ASB18: variants seen among roughly 807,000 people sequenced by gnomAD.
ASB18 encodes ankyrin repeat and SOCS box containing 18.
ASB18 carries 33 observed loss-of-function variants against 33.4 expected under a neutral mutation model. That is an observed-to-expected ratio of 0.99 (90% CI 0.75 to 1.32). The LOEUF (loss-of-function observed/expected upper bound fraction) is 1.32, where lower values mean the gene tolerates loss of function less well. Among genes scored for constraint, ASB18 ranks in the 40% most tolerant of loss-of-function variants. ASB18 has a pLI of 0.00. For synonymous variants in ASB18, 295 were observed against 307.6 expected (o/e 0.96, Z 0.43); for missense variants, 694 against 655.5 (o/e 1.06, Z -0.64).
At chr2:236,242,371 G>A (rs1559336544) in intron 1 of ASB18, among the ~76,000 whole-genome samples, 1 of 152,202 alleles carries the variant, frequency 6.6e-6, no homozygotes, top group Non-Finnish European at 1.5e-5. Flanking sequence ...CAGGTAGCAG[G>A]ACCTACTCTC....
At chr2:236,261,182 G>C (rs1273591753) in intron 1 of ASB18, among the ~76,000 whole-genome samples, 1 of 152,132 alleles carries the variant, frequency 6.6e-6, no homozygotes, top group African/African-American at 2.4e-5. Context: ...TTGAAAATGA[G>C]GAAATTAAGG....
intron 4 of ASB18, among the ~76,000 whole-genome samples, chr2:236,202,814 T>TATATAC (rs1472095135): frequency 7.9e-6 from 1 of 126,574 alleles, no homozygotes; most frequent in African/African-American, 3.2e-5. Context: ...TATATATATA[T>TATATAC]ACACACACCT....
chr2:236,237,805 G>A lies in ASB18; in HGVS notation c.480C>T (p.Cys160=). The A allele has an allele frequency of 4.9e-6, 7 of 1,422,118 alleles. No individual in the cohort carries two copies. The highest frequency in any genetic ancestry group is 2.9e-5 in the South Asian group (2 of 69,280). The allele number at this position is 1,422,118 out of a possible 1,614,324, so 88.1% of individuals were successfully genotyped here. The part of the protein sequence containing the change: ...PGGRGALHEA[C]LGGHTACVRL... Reference sequence around the variant, plus strand: ...GGACGCAGGCGGTGTGGCCCCCGAGGCAGGCCTCGTGCAGGGCGCCGCGGC... The same window carrying A: ...GGACGCAGGCGGTGTGGCCCCCGAGACAGGCCTCGTGCAGGGCGCCGCGGC... Residue 160 remains cysteine, a synonymous_variant, in exon 3 of 6, where the codon TGC becomes TGT. Transcript: ENST00000409749. This position sits in a 1 kb window ranked among gnomAD's most constrained non-coding sequence, Gnocchi z 6.2.
rs759640222 is a variant in ASB18 at position 236,262,700 on chromosome 2, C to A, written c.205+1441G>T. Among the ~76,000 whole-genome samples, 1 of 152,130 alleles carries A rather than the reference C, an allele frequency of 6.6e-6. No homozygotes were observed. The highest frequency in any genetic ancestry group is 1.9e-4 in the East Asian group (1 of 5,168). Reference sequence around the variant, plus strand: ...TTGTGATGACAACCTCCCCTAAACCCCCCCCAGGGCAATCTTCTAGAGAGA... The same window carrying A: ...TTGTGATGACAACCTCCCCTAAACCACCCCCAGGGCAATCTTCTAGAGAGA... On this transcript the variant is annotated intron_variant, in intron 1 of 5. Transcript: ENST00000409749. The surrounding 1 kb of genome is among the most constrained non-coding windows in gnomAD (Gnocchi z 5.2).
At position 236,211,864 on chromosome 2, in the gene ASB18, G is replaced by A. The variant is rs1458926410; in HGVS notation, c.1101+2498C>T. 1.3e-5 allele frequency among the ~76,000 whole-genome samples: 2 copies of A among 152,168 alleles called. No homozygotes were observed. The highest frequency in any genetic ancestry group is 2.4e-5 in the African/African-American group (1 of 41,442). ...CTCATCCACCATCCTCTCCTGGCCA[G>A]GTGTAGGGGTACCCACTGGAGGTGT... On this transcript the variant is annotated intron_variant, in intron 4 of 5. Transcript: ENST00000409749. This position sits in a 1 kb window ranked among gnomAD's most constrained non-coding sequence, Gnocchi z 5.0.
intron 2 of ASB18, among the ~76,000 whole-genome samples, chr2:236,240,665 T>C (rs1031709729): frequency 4.6e-5 from 7 of 152,172 alleles, no homozygotes; most frequent in African/African-American, 1.7e-4. Context: ...CTCTTTCCAC[T>C]TGGGAGGTCT....
rs986815021 is a variant in ASB18, at chr2:236,214,649, A to G, written c.814T>C (p.Cys272Arg). 2.6e-6 allele frequency: 3 copies of G among 1,160,856 alleles called. No individual in the cohort carries two copies. The highest frequency in any genetic ancestry group is 3.3e-5 in the African/African-American group (2 of 60,896). 71.9% of individuals were successfully genotyped at this position (1,160,856 alleles called of 1,614,324 possible). A position where few individuals can be genotyped will look rare whatever the true frequency, so the allele number is the denominator to read the frequency against. Residue 272 changes from cysteine (C) to arginine (R), a missense_variant, in exon 4 of 6, where the codon TGC becomes CGC. Coordinates refer to ENST00000409749, the MANE Select transcript of ASB18 (RefSeq NM_212556.4). This position sits in a 1 kb window ranked among gnomAD's most constrained non-coding sequence, Gnocchi z 6.5. ...AGCAGCAGCGCGCACAGGCGCAGGC[A>G]GCGCCCGTGCTCGTCGGGCCTCCGC... The part of the protein sequence containing the change: ...AARRPDEHGR[C>R]LRLCALLLRR...
Position 236,205,114 on chromosome 2 carries a change from G to A in ASB18, c.1102-8729C>T, listed in dbSNP as rs2106264989. Among the ~76,000 whole-genome samples the A allele has an allele frequency of 6.6e-6, 1 of 152,354 alleles. No individual in the cohort carries two copies. The highest frequency in any genetic ancestry group is 3.4e-3 in the Middle Eastern group (1 of 294). The stretch of plus-strand genomic sequence containing the variant: ...CAAGCATCTGCTTAACATGGCAGAT[G>A]TTAAGAGGAGGATCTTTACAAAATA... On this transcript the variant is annotated intron_variant, in intron 4 of 5. Transcript: ENST00000409749. The surrounding 1 kb of genome is among the most constrained non-coding windows in gnomAD (Gnocchi z 5.4).
Position 236,216,099 on chromosome 2 carries a change from C to T in ASB18, c.597-1233G>A, listed in dbSNP as rs1019025690. On this transcript the variant is annotated intron_variant, in intron 3 of 5. Transcript: ENST00000409749. The surrounding 1 kb of genome is among the most constrained non-coding windows in gnomAD (Gnocchi z 6.1). ...CTACTCAAATGGCCGAATCTTCAAGCCGGAGTCCATTCTTCACCCCCCTCC... is the reference window on the plus strand; with the variant it reads ...CTACTCAAATGGCCGAATCTTCAAGTCGGAGTCCATTCTTCACCCCCCTCC... Among the ~76,000 whole-genome samples, 2 of 152,224 alleles carry T rather than the reference C, an allele frequency of 1.3e-5. No individual in the cohort carries two copies. The highest frequency in any genetic ancestry group is 2.9e-5 in the Non-Finnish European group (2 of 68,038).
At position 236,201,462 on chromosome 2, in the gene ASB18, T is replaced by A. The variant is rs116113007; in HGVS notation, c.1102-5077A>T. ...AGCCACTACACCCGGCTCATCTTTC[T>A]TAAATAGTCTGCAGTTAAATAACTG... On this transcript the variant is annotated intron_variant, in intron 4 of 5. Transcript: ENST00000409749. Among the ~76,000 whole-genome samples the A allele has an allele frequency of 2.2e-3, 329 of 152,286 alleles. 2 individuals carry two copies. Among genetic ancestry groups the A allele is most frequent in the African/African-American group, 7.3e-3 (303 of 41,564 alleles).
rs2060423043 is a variant in ASB18, at chr2:236,204,422, G to T, written c.1102-8037C>A. Among the ~76,000 whole-genome samples, 1 of 152,190 alleles carries T rather than the reference G, an allele frequency of 6.6e-6. No homozygotes were observed. Among genetic ancestry groups the T allele is most frequent in the Non-Finnish European group, 1.5e-5 (1 of 68,026 alleles). On this transcript the variant is annotated intron_variant, in intron 4 of 5. Transcript: ENST00000409749. This position sits in a 1 kb window ranked among gnomAD's most constrained non-coding sequence, Gnocchi z 5.1. ...GCTGCTGTCTCATCTCCGTCCTTCA[G>T]ATGTTCGACCATCCCTGCATTCAGG...
Position 236,200,299 on chromosome 2 carries a change from A to G in ASB18, c.1102-3914T>C, listed in dbSNP as rs1311286762. Among the ~76,000 whole-genome samples the G allele has an allele frequency of 6.6e-6, 1 of 152,182 alleles. No individual in the cohort carries two copies. Among genetic ancestry groups the G allele is most frequent in the Admixed American group, 6.5e-5 (1 of 15,276 alleles). On this transcript the variant is annotated intron_variant, in intron 4 of 5. Transcript: ENST00000409749. This position sits in a 1 kb window ranked among gnomAD's most constrained non-coding sequence, Gnocchi z 4.2. ...AGGAGGTGGAGGTTGCAGTGAGCTG[A>G]GATCATGCCACTGCACTCCAGCCTG...
rs1397704766 is a variant in ASB18, at chr2:236,214,516, C to T, written c.947G>A (p.Gly316Asp). Residue 316 changes from glycine to aspartate, a missense_variant, in exon 4 of 6, where the codon GGC (glycine) becomes GAC (aspartate). Transcript: ENST00000409749. The surrounding 1 kb of genome is among the most constrained non-coding windows in gnomAD (Gnocchi z 6.5). ...ATAGTCGAGCGCGCCCGCGTCGGCG[C>T]CGTGCCGCAGTAGGAGGCGCGCCAG... ...HSLARLLLRH[G>D]ADAGALDYGG... 1 of 1,464,812 alleles carries T rather than the reference C, an allele frequency of 6.8e-7. No individual in the cohort carries two copies. The highest frequency in any genetic ancestry group is 8.9e-7 in the Non-Finnish European group (1 of 1,119,812). The allele number at this position is 1,464,812 out of a possible 1,614,324, so 90.7% of individuals were successfully genotyped here. A position where few individuals can be genotyped will look rare whatever the true frequency, so the allele number is the denominator to read the frequency against.
rs1278043855 is a variant in ASB18, at chr2:236,217,202, G to T, written c.597-2336C>A. 6.6e-6 allele frequency among the ~76,000 whole-genome samples: 1 copy of T among 152,172 alleles called. No individual in the cohort carries two copies. The highest frequency in any genetic ancestry group is 1.5e-5 in the Non-Finnish European group (1 of 68,020). On this transcript the variant is annotated intron_variant, in intron 3 of 5. Transcript: ENST00000409749. This position sits in a 1 kb window ranked among gnomAD's most constrained non-coding sequence, Gnocchi z 5.2. ...GTGAGTGGATCACCTGAGGTCAGGA[G>T]TTTGAGAACAGCCTGGCCAACATGG...
rs1358309870 is a variant in ASB18, at chr2:236,195,660, C to T, written c.1216-603G>A. ...CCTCCTGAGTAACTGGCATTACAGG[C>T]GCTTGCCACCATGCTTGGGTAATTT... On this transcript the variant is annotated intron_variant, in intron 5 of 5. Coordinates refer to ENST00000409749, the MANE Select transcript of ASB18 (RefSeq NM_212556.4). This position sits in a 1 kb window ranked among gnomAD's most constrained non-coding sequence, Gnocchi z 5.5. Among the ~76,000 whole-genome samples the T allele has an allele frequency of 2.6e-5, 4 of 152,116 alleles. No homozygotes were observed. The highest frequency in any genetic ancestry group is 2.9e-5 in the Non-Finnish European group (2 of 68,022).
chr2:236,200,283 A>T lies in ASB18; in HGVS notation c.1102-3898T>A, dbSNP rs2060394263. Among the ~76,000 whole-genome samples, 2 of 152,068 alleles carry T rather than the reference A, an allele frequency of 1.3e-5. No homozygotes were observed. The highest frequency in any genetic ancestry group is 4.8e-5 in the African/African-American group (2 of 41,394). On this transcript the variant is annotated intron_variant, in intron 4 of 5. Transcript: ENST00000409749. The surrounding 1 kb of genome is among the most constrained non-coding windows in gnomAD (Gnocchi z 4.2). ...AGAATTGCTTGAATCCAGGAGGTGG[A>T]GGTTGCAGTGAGCTGAGATCATGCC...
At chr2:236,206,563 G>A (rs576999922) in intron 4 of ASB18, among the ~76,000 whole-genome samples, 9 of 152,290 alleles carry the variant, frequency 5.9e-5, no homozygotes, top group Admixed American at 4.6e-4. Context: ...CAATTCTGAA[G>A]CCTGCTACTT....
rs117611446 is a variant in ASB18 at position 236,236,795 on chromosome 2, G to T, written c.596+894C>A. On this transcript the variant is annotated intron_variant, in intron 3 of 5. Transcript: ENST00000409749. ...GCGATGCGGTTTCTGAGAGAGCCGC[G>T]CGGGTTCCCAGCACTAAACGTGGGC... Among the ~76,000 whole-genome samples, 64 of 152,338 alleles carry T rather than the reference G, an allele frequency of 4.2e-4. No homozygotes were observed. The East Asian group carries it at 0.011, about 27-fold the overall frequency.
At position 236,253,491 on chromosome 2, in the gene ASB18, C is replaced by T. The variant is rs1441610739; in HGVS notation, c.205+10650G>A. Among the ~76,000 whole-genome samples, 1 of 152,094 alleles carries T rather than the reference C, an allele frequency of 6.6e-6. No homozygotes were observed. On this transcript the variant is annotated intron_variant, in intron 1 of 5. Coordinates refer to ENST00000409749, the MANE Select transcript of ASB18 (RefSeq NM_212556.4). This position sits in a 1 kb window ranked among gnomAD's most constrained non-coding sequence, Gnocchi z 5.4. ...TCCTGGGCGCAAGCGATCCTTCCAC[C>T]TCAGTCTCCTGAGTCGCTGGGACTA... is the stretch of plus-strand genomic sequence containing the variant.
Sources: gnomAD v4.1 joint callset for allele counts (sites outside exome capture counted in the v4.1 genomes callset) on GRCh38, gnomAD v4.1.1 for gene constraint, Gnocchi (gnomAD v3.1) non-coding constraint, MANE v1.5 for transcripts, NCBI Gene and HGNC (gene_info 2026-07-23, HGNC 2026-07-21) for gene names.